Variants in XPO5 observed in about 807,000 individuals in gnomAD.
XPO5 encodes exportin 5.
XPO5 carries 46 observed loss-of-function variants against 160.6 expected under a neutral mutation model. The ratio of observed to expected loss-of-function variants is 0.29; its 90% confidence interval spans 0.23 to 0.37. XPO5 has a LOEUF of 0.37. Among genes scored for constraint, XPO5 ranks in the 10% least tolerant of loss-of-function variants. The pLI, the probability that XPO5 is intolerant of heterozygous loss-of-function variation, is 1.00. For missense variants in XPO5, 1,090 were observed against 1,463.9 expected (o/e 0.74, Z 4.17); for synonymous variants, 537 against 519.3 (o/e 1.03, Z -0.46).
intron 20 of XPO5, among the ~76,000 whole-genome samples, chr6:43,536,850 T>C (rs1004649402): frequency 1.4e-5 from 2 of 147,526 alleles, no homozygotes; most frequent in Non-Finnish European, 3.0e-5. Context: ...TGGTGGCTGG[T>C]AGGAATCTAA....
At chr6:43,544,721 T>G (rs570379228) in intron 20 of XPO5, among the ~76,000 whole-genome samples, 3 of 152,302 alleles carry the variant, frequency 2.0e-5, no homozygotes, top group Non-Finnish European at 4.4e-5. Context: ...GAGACCAGCC[T>G]GGGCAACATG....
At chr6:43,573,623 T>C in intron 1 of XPO5, 22 bp from the exon 2 acceptor site, 1 of 1,605,334 alleles carries the variant, frequency 6.2e-7, no homozygotes, top group Non-Finnish European at 8.5e-7. Flanking sequence ...AAAGTTAGTG[T>C]TTCCTTTCGA....
intron 20 of XPO5, among the ~76,000 whole-genome samples, chr6:43,538,082 CAAAAA>C (rs1217531011): frequency 2.8e-5 from 1 of 36,132 alleles, no homozygotes; most frequent in East Asian, 1.2e-3. Flanking sequence ...AAGATGGTCT[CAAAAA>C]AAAAAAAAAA....
intron 17 of XPO5, 113 bp from the exon 18 acceptor site, chr6:43,548,573 CTATAAGGTTATTAT>C: frequency 1.1e-6 from 1 of 949,536 alleles, no homozygotes; most frequent in Non-Finnish European, 1.5e-6. Context: ...AAAGTCAGGC[CTATAAGGTTATTAT>C]TTGGTAATTC....
intron 6 of XPO5, 104 bp downstream of exon 6, chr6:43,568,607 A>G: frequency 9.2e-7 from 1 of 1,085,158 alleles, no homozygotes; most frequent in Non-Finnish European, 1.3e-6. Context: ...TGTCTCCAAA[A>G]CAATACAACA....
In XPO5 at chr6:43,539,579, G is replaced by T. The variant is rs59052112; in HGVS notation, c.2343-5572C>A. 2.6e-3 allele frequency: 3,535 copies of T among 1,352,826 alleles called. 78 individuals are homozygous for T. The African/African-American group carries it at 0.045, about 17-fold the overall frequency. The allele number at this position is 1,352,826 out of a possible 1,614,324, so 83.8% of individuals were successfully genotyped here. Reference sequence around the variant, plus strand: ...AGCTCCGCGGCCTCAGCCCCGGCCCGGTCCACGGCTGCGACCCCGGCCCCG... The same window carrying T: ...AGCTCCGCGGCCTCAGCCCCGGCCCTGTCCACGGCTGCGACCCCGGCCCCG... On this transcript the variant is annotated intron_variant, in intron 20 of 31. Coordinates refer to ENST00000265351, the MANE Select transcript of XPO5 (RefSeq NM_020750.3).
At chr6:43,537,358 G>A (rs994615160) in intron 20 of XPO5, among the ~76,000 whole-genome samples, 1 of 152,052 alleles carries the variant, frequency 6.6e-6, no homozygotes. Context: ...CTTTACTATT[G>A]TGTTGAACCC....
At chr6:43,546,212 G>C (rs1312026357) in intron 20 of XPO5, among the ~76,000 whole-genome samples, 2 of 152,048 alleles carry the variant, frequency 1.3e-5, no homozygotes, top group African/African-American at 4.8e-5. Flanking sequence ...CATCATTATA[G>C]AAGGCAACTG....
rs1793557271 is a variant in XPO5, at chr6:43,525,934, A to G, written c.2984-13T>C. The G allele has an allele frequency of 1.2e-6, 2 of 1,613,518 alleles. No individual in the cohort carries two copies. Among genetic ancestry groups the G allele is most frequent in the African/African-American group, 1.3e-5 (1 of 74,898 alleles). On this transcript the variant is annotated splice_polypyrimidine_tract_variant and intron_variant, in intron 27 of 31. Transcript: ENST00000265351. The stretch of plus-strand genomic sequence containing the variant: ...ATCATTTCTTCATCTGTTATCAGAG[A>G]GTAGAATGTTAAGCTCCATCCTTTC...
Position 43,548,472 on chromosome 6 carries a change from AAAG to A in XPO5, c.1861-15_1861-13del. 1 of 1,524,948 alleles carries A rather than the reference AAAG, an allele frequency of 6.6e-7. No individual in the cohort carries two copies. Among genetic ancestry groups the A allele is most frequent in the Non-Finnish European group, 8.9e-7 (1 of 1,128,210 alleles). The allele number at this position is 1,524,948 out of a possible 1,614,324, so 94.5% of individuals were successfully genotyped here. A position where few individuals can be genotyped will look rare whatever the true frequency, so the allele number is the denominator to read the frequency against. On this transcript the variant is annotated splice_polypyrimidine_tract_variant and intron_variant, in intron 17 of 31. Transcript: ENST00000265351. ...ATGTCAAAATTGGGCTACAGATCAA[AAAG>A]AAAAAAAGCCAGAGGTGGTAAAGGT... is the stretch of plus-strand genomic sequence containing the variant.
chr6:43,547,421 C>T (rs2127728218), intron 19 of XPO5, 187 bp downstream of exon 19: 1 of 685,200 alleles, frequency 1.5e-6, no homozygotes, highest in Non-Finnish European at 2.7e-6. Flanking sequence ...AGACCATCTG[C>T]TCTGCTGTGG....
At chr6:43,531,421 AT>A (rs1793970323) in intron 22 of XPO5, 57 bp downstream of exon 22, 17 of 1,510,312 alleles carry the variant, frequency 1.1e-5, no homozygotes, top group Admixed American at 5.0e-5. Flanking sequence ...ACCCATGGAC[AT>A]TCCTATACAA....
At chr6:43,552,057 T>C (rs1404624589) in intron 14 of XPO5, among the ~76,000 whole-genome samples, 1 of 152,222 alleles carries the variant, frequency 6.6e-6, no homozygotes. Flanking sequence ...AGAGGCTGAA[T>C]GTTTTTCATA....
In XPO5 at chr6:43,553,469, G is replaced by A. The variant is rs1479515355; in HGVS notation, c.1476C>T (p.Leu492=). The A allele has an allele frequency of 1.3e-6, 2 of 1,570,864 alleles. No individual in the cohort carries two copies. Among genetic ancestry groups the A allele is most frequent in the Non-Finnish European group, 1.7e-6 (2 of 1,157,574 alleles). The part of the protein sequence containing the change: ...CSAVGTGEGS[L]CSVFSPSFVQ... ...CGAATGAAGGTGAGAAGACGGAACA[G>A]AGGCTTCCTTCTCCAGTTCCAACTG... Residue 492 remains leucine (L), a synonymous_variant, in exon 14 of 32, where the codon CTC becomes CTT. Transcript: ENST00000265351.
At chr6:43,527,772 AAAGG>A in intron 25 of XPO5, 41 bp from the exon 26 acceptor site, 1 of 1,607,226 alleles carries the variant, frequency 6.2e-7, no homozygotes. Context: ...GGAGTGCAGA[AAAGG>A]AAGGACAAGG....
At chr6:43,560,888 A>T in intron 10 of XPO5, 36 bp downstream of exon 10, 2 of 1,542,498 alleles carry the variant, frequency 1.3e-6, no homozygotes. Context: ...GGTTCACCTA[A>T]CTAAACTTTT....
At chr6:43,540,806 G>C (rs1195032949) in intron 20 of XPO5, among the ~76,000 whole-genome samples, 1 of 151,976 alleles carries the variant, frequency 6.6e-6, no homozygotes, top group African/African-American at 2.4e-5. Flanking sequence ...TGAATTTACT[G>C]ATGTTATCAC....
intron 20 of XPO5, among the ~76,000 whole-genome samples, chr6:43,537,743 C>A (rs564104364): frequency 6.6e-6 from 1 of 152,196 alleles, no homozygotes; most frequent in Non-Finnish European, 1.5e-5. Flanking sequence ...TCTGGAAATA[C>A]AAGTCCACAT....
chr6:43,524,105 C>G, intron 31 of XPO5, 100 bp from the exon 32 acceptor site: 3 of 1,494,152 alleles, frequency 2.0e-6, no homozygotes, highest in Non-Finnish European at 2.7e-6. Context: ...AATCCCAACA[C>G]TTTTGGGAGG....
Sources: allele counts gnomAD v4.1 joint callset (sites outside exome capture counted in the v4.1 genomes callset), GRCh38; gene constraint gnomAD v4.1.1; transcripts MANE v1.5; gene names NCBI Gene and HGNC (gene_info 2026-07-23, HGNC 2026-07-21).